Variants in EIF4G3 observed in about 807,000 individuals in gnomAD.
The protein encoded by EIF4G3 is eIF-4-gamma 3.
Under a neutral mutation model 186.4 loss-of-function variants are expected in EIF4G3, and 34 were observed. The observed-to-expected ratio is 0.18, with a 90% CI of 0.14 to 0.24. The LOEUF is 0.24. Ranked by LOEUF, EIF4G3 falls within the 10% of genes least tolerant of loss-of-function variation. The probability of loss-of-function intolerance (pLI) is 1.00; values close to 1 mark genes in which losing one functional copy is unlikely to be tolerated. For synonymous variants in EIF4G3, 673 were observed against 679.5 expected (o/e 0.99, Z 0.15); for missense variants, 1,536 against 1,948.5 (o/e 0.79, Z 3.99).
intron 2 of EIF4G3, among the ~76,000 whole-genome samples, chr1:21,115,535 CAAACA>C (rs1388657530): frequency 6.6e-6 from 1 of 152,054 alleles, no homozygotes; most frequent in Non-Finnish European, 1.5e-5. Flanking sequence ...AGGAAACAAA[CAAACA>C]AGTTATCTGT....
chr1:21,091,347 G>A (rs2096191352), intron 2 of EIF4G3, among the ~76,000 whole-genome samples: 1 of 151,934 alleles, frequency 6.6e-6, no homozygotes, highest in South Asian at 2.1e-4. Context: ...TTTTAGTAGA[G>A]ATGGGGCTTT....
intron 3 of EIF4G3, among the ~76,000 whole-genome samples, chr1:21,081,636 A>T (rs948077175): frequency 1.6e-5 from 2 of 122,774 alleles, no homozygotes; most frequent in East Asian, 2.5e-4. Flanking sequence ...GATGAGTCCA[A>T]TTTTTTTTTT....
chr1:20,960,586 T>C (rs1469514325), intron 12 of EIF4G3, among the ~76,000 whole-genome samples: 1 of 151,694 alleles, frequency 6.6e-6, no homozygotes, highest in Non-Finnish European at 1.5e-5. Flanking sequence ...ACCTCATCTT[T>C]ACTGAAAATA....
rs138848079 is a variant in EIF4G3 at position 20,841,090 on chromosome 1, A to G, written c.3889-62T>C. ...TGAATAGTGTTACCAGAATGTTAAG[A>G]TAACTTTAAAATCTTTTACTTACAA... On this transcript the variant is annotated intron_variant, in intron 29 of 36. Transcript: ENST00000602326. 28 of 1,548,262 alleles carry G rather than the reference A, an allele frequency of 1.8e-5. No homozygotes were observed. The African/African-American group carries it at 3.2e-4, about 17-fold the overall frequency.
chr1:20,950,322 G>C (rs2154563410), intron 12 of EIF4G3, among the ~76,000 whole-genome samples: 1 of 152,232 alleles, frequency 6.6e-6, no homozygotes, highest in African/African-American at 2.4e-5. Context: ...AGAAAAAGAG[G>C]AAGGAAAAGA....
chr1:20,858,528 T>C (rs909274600), intron 24 of EIF4G3, among the ~76,000 whole-genome samples: 1 of 152,172 alleles, frequency 6.6e-6, no homozygotes, highest in African/African-American at 2.4e-5. Context: ...TCACCAAGAT[T>C]TGCACTCCCT....
intron 2 of EIF4G3, among the ~76,000 whole-genome samples, chr1:21,141,125 A>G (rs1332643786): frequency 6.6e-6 from 1 of 152,186 alleles, no homozygotes; most frequent in African/African-American, 2.4e-5. Context: ...AGGAACAATT[A>G]TAATTCCCAT....
chr1:21,041,597 G>A (rs2093584298), intron 4 of EIF4G3, among the ~76,000 whole-genome samples: 1 of 152,186 alleles, frequency 6.6e-6, no homozygotes, highest in Admixed American at 6.5e-5. Context: ...GTAATAAACA[G>A]AATTTTGAAT....
At chr1:21,109,447 C>T (rs1472831) in intron 2 of EIF4G3, among the ~76,000 whole-genome samples, 43,825 of 151,856 alleles carry the variant, frequency 0.29, 8,088 homozygotes, top group Non-Finnish European at 0.41. Flanking sequence ...GAGTTCCAGA[C>T]GAGCACAGGC....
intron 28 of EIF4G3, among the ~76,000 whole-genome samples, chr1:20,850,845 T>C (rs1164823824): frequency 1.3e-5 from 2 of 152,194 alleles, no homozygotes; most frequent in East Asian, 1.9e-4. Flanking sequence ...CCACGGAAGA[T>C]GAAGTCAGCT....
chr1:21,049,928 AT>A (rs1399291854), intron 4 of EIF4G3, among the ~76,000 whole-genome samples: 4 of 152,150 alleles, frequency 2.6e-5, no homozygotes, highest in African/African-American at 9.7e-5. Flanking sequence ...TCCCTAAAAA[AT>A]AATGAAGAAT....
intron 14 of EIF4G3, among the ~76,000 whole-genome samples, chr1:20,935,022 ATGAC>A (rs999611676): frequency 3.9e-5 from 6 of 152,190 alleles, no homozygotes; most frequent in African/African-American, 1.4e-4. Context: ...GCATGGAACA[ATGAC>A]TGACACGCAG....
chr1:21,100,321 A>G (rs542672191), intron 2 of EIF4G3, among the ~76,000 whole-genome samples: 15 of 152,308 alleles, frequency 9.8e-5, no homozygotes, highest in Admixed American at 9.8e-4. Flanking sequence ...GTATAATTTA[A>G]TACAGTTAAC....
intron 3 of EIF4G3, chr1:21,073,701 C>T (rs998345855): frequency 2.0e-6 from 1 of 507,102 alleles, no homozygotes; most frequent in Non-Finnish European, 3.9e-6. Context: ...ACCAAGGGCT[C>T]ATGACAGCCT....
chr1:20,890,133 T>A (rs1304990472), intron 18 of EIF4G3, among the ~76,000 whole-genome samples: 1 of 152,002 alleles, frequency 6.6e-6, no homozygotes, highest in Non-Finnish European at 1.5e-5. Flanking sequence ...CCACCACGCC[T>A]GGCTAATTTT....
At chr1:20,862,705 G>A (rs914365207) in intron 22 of EIF4G3, among the ~76,000 whole-genome samples, 2 of 152,170 alleles carry the variant, frequency 1.3e-5, no homozygotes, top group African/African-American at 2.4e-5. Context: ...TAGCCACTGC[G>A]TCCAGCCCAT....
intron 18 of EIF4G3, among the ~76,000 whole-genome samples, chr1:20,887,398 A>G (rs989276781): frequency 6.6e-6 from 1 of 152,156 alleles, no homozygotes; most frequent in South Asian, 2.1e-4. Flanking sequence ...AATGTCATTC[A>G]TTACATAAAA....
At chr1:20,997,727 G>C in intron 6 of EIF4G3, 94 bp from the exon 7 acceptor site, 9 of 946,986 alleles carry the variant, frequency 9.5e-6, no homozygotes, top group East Asian at 2.9e-5. Flanking sequence ...TATGCCAAAA[G>C]AAAAAAAACC....
intron 2 of EIF4G3, among the ~76,000 whole-genome samples, chr1:21,148,728 T>C (rs1425646070): frequency 7.9e-6 from 1 of 126,484 alleles, no homozygotes; most frequent in Admixed American, 7.9e-5. Flanking sequence ...AAAAAAAAAG[T>C]GCATGTCTGT....
Sources: gnomAD v4.1 joint callset for allele counts (sites outside exome capture counted in the v4.1 genomes callset) on GRCh38, gnomAD v4.1.1 for gene constraint, MANE v1.5 for transcripts, NCBI Gene and HGNC (gene_info 2026-07-23, HGNC 2026-07-21) for gene names.